The following NLGN1 variants were observed in gnomAD, a reference collection of about 807,000 sequenced individuals.
The protein encoded by NLGN1 is neuroligin-1.
A neutral mutation model predicts 65.5 loss-of-function variants in NLGN1; 12 were observed. That is an observed-to-expected ratio of 0.18 (90% CI 0.12 to 0.30). NLGN1 has a LOEUF of 0.30. Ranked by LOEUF, NLGN1 falls within the 10% of genes least tolerant of loss-of-function variation. The pLI is 1.00. For missense variants in NLGN1, 750 were observed against 1,007.1 expected, an observed-to-expected ratio of 0.74 and a Z score of 3.46; for synonymous variants, 350 against 359.5, an observed-to-expected ratio of 0.97 and a Z score of 0.30.
intron 4 of NLGN1, among the ~76,000 whole-genome samples, chr3:174,069,824 A>G (rs1443970650): frequency 6.6e-6 from 1 of 152,230 alleles, no homozygotes; most frequent in Admixed American, 6.5e-5. Context: ...GTATTAGCAT[A>G]GGCTCGGAGT....
intron 4 of NLGN1, among the ~76,000 whole-genome samples, chr3:174,025,975 GT>G (rs1164580494): frequency 2.0e-5 from 3 of 152,002 alleles, no homozygotes; most frequent in Middle Eastern, 3.2e-3. Flanking sequence ...TAAAATTAGA[GT>G]TTTTTTGTCA....
chr3:174,173,710 TTG>T (rs142590328), intron 4 of NLGN1, among the ~76,000 whole-genome samples: 3,855 of 148,796 alleles, frequency 0.026, 115 homozygotes, highest in African/African-American at 0.067. Flanking sequence ...GTGTGTATGT[TTG>T]TGTGTGTGTG....
chr3:174,290,349 A>G (rs1055187252), downstream of NLGN1, among the ~76,000 whole-genome samples: 1 of 151,018 alleles, frequency 6.6e-6, no homozygotes, highest in Non-Finnish European at 1.5e-5. Flanking sequence ...TGGCATATAA[A>G]TGGAAATACA....
At chr3:174,229,363 G>A (rs945156621) in intron 4 of NLGN1, among the ~76,000 whole-genome samples, 9 of 151,948 alleles carry the variant, frequency 5.9e-5, no homozygotes, top group Non-Finnish European at 1.2e-4. Context: ...ATGAGGACTG[G>A]TAGACATCAA....
At chr3:173,445,945 T>C (rs1720187129) in intron 2 of NLGN1, among the ~76,000 whole-genome samples, 1 of 152,232 alleles carries the variant, frequency 6.6e-6, no homozygotes, top group Admixed American at 6.5e-5. Context: ...ACATTTGATC[T>C]ATCCACCCTT....
At chr3:173,538,019 G>A (rs985771795) in intron 2 of NLGN1, among the ~76,000 whole-genome samples, 8 of 152,186 alleles carry the variant, frequency 5.3e-5, no homozygotes, top group African/African-American at 1.9e-4. Context: ...TCACCTAGGG[G>A]AAGCATTTCT....
intron 4 of NLGN1, among the ~76,000 whole-genome samples, chr3:174,148,902 A>G (rs1291933353): frequency 1.3e-5 from 2 of 152,206 alleles, no homozygotes; most frequent in African/African-American, 2.4e-5. Flanking sequence ...TTCCACAGGC[A>G]TACCAAATGA....
chr3:173,444,402 CG>C (rs1719783114), intron 2 of NLGN1, among the ~76,000 whole-genome samples: 1 of 152,010 alleles, frequency 6.6e-6, no homozygotes, highest in South Asian at 2.1e-4. Context: ...GAAATGAGCA[CG>C]GGTGTGATTT....
At chr3:174,086,207 G>A (rs1165509581) in intron 4 of NLGN1, among the ~76,000 whole-genome samples, 6 of 4,968 alleles carry the variant, frequency 1.2e-3, no homozygotes, top group South Asian at 9.6e-3. Flanking sequence ...GTGTGTGTGC[G>A]TGTGTGTGTA....
At chr3:173,577,777 G>A (rs1258082724) in intron 2 of NLGN1, among the ~76,000 whole-genome samples, 1 of 152,020 alleles carries the variant, frequency 6.6e-6, no homozygotes, top group African/African-American at 2.4e-5. Flanking sequence ...TATCATCTTT[G>A]AAAAACTTGT....
At chr3:173,953,872 T>G (rs1292178099) in intron 4 of NLGN1, among the ~76,000 whole-genome samples, 1 of 152,180 alleles carries the variant, frequency 6.6e-6, no homozygotes, top group Non-Finnish European at 1.5e-5. Flanking sequence ...TTTCCTGATG[T>G]AATTGCTAAT....
chr3:174,272,152 G>C (rs1381588343), intron 4 of NLGN1, among the ~76,000 whole-genome samples: 1 of 151,614 alleles, frequency 6.6e-6, no homozygotes, highest in Non-Finnish European at 1.5e-5. Context: ...GACATTAAAG[G>C]AAAAGCCTTC....
At chr3:174,110,382 G>C (rs753557152) in intron 4 of NLGN1, among the ~76,000 whole-genome samples, 1 of 151,874 alleles carries the variant, frequency 6.6e-6, no homozygotes, top group East Asian at 1.9e-4. Flanking sequence ...GGGGATGTTC[G>C]TTGTATTTTT....
At chr3:173,597,566 C>G (rs1214594345) in intron 2 of NLGN1, among the ~76,000 whole-genome samples, 1 of 151,932 alleles carries the variant, frequency 6.6e-6, no homozygotes, top group African/African-American at 2.4e-5. Context: ...ACCTTTGTAT[C>G]TAGTCTGTAC....
intron 4 of NLGN1, among the ~76,000 whole-genome samples, chr3:173,853,960 C>T (rs888490395): frequency 6.6e-6 from 1 of 151,680 alleles, no homozygotes; most frequent in Non-Finnish European, 1.5e-5. Context: ...TTGATATATT[C>T]CCCCAAATAT....
At chr3:173,657,542 GA>G (rs942546908) in intron 3 of NLGN1, among the ~76,000 whole-genome samples, 3 of 151,864 alleles carry the variant, frequency 2.0e-5, no homozygotes, top group Non-Finnish European at 4.4e-5. Flanking sequence ...GCAGTGGGGG[GA>G]AAGCTAACCC....
At chr3:174,251,511 C>G (rs1744760721) in intron 4 of NLGN1, among the ~76,000 whole-genome samples, 1 of 152,100 alleles carries the variant, frequency 6.6e-6, no homozygotes, top group South Asian at 2.1e-4. Flanking sequence ...GGCACCTGGG[C>G]AAAGCTGGAC....
At chr3:173,793,504 A>G (rs533313412) in intron 3 of NLGN1, among the ~76,000 whole-genome samples, 3 of 152,268 alleles carry the variant, frequency 2.0e-5, no homozygotes, top group African/African-American at 7.2e-5. Flanking sequence ...TCCAAGTAGA[A>G]ATTGTTGCAG....
chr3:173,846,362 T>A (rs1725794737), intron 4 of NLGN1, among the ~76,000 whole-genome samples: 2 of 152,144 alleles, frequency 1.3e-5, no homozygotes, highest in Non-Finnish European at 2.9e-5. Flanking sequence ...TGGTAAGCTA[T>A]CCCTAGTATT....
Sources: allele counts gnomAD v4.1 joint callset (sites outside exome capture counted in the v4.1 genomes callset), GRCh38; gene constraint gnomAD v4.1.1; transcripts MANE v1.5; gene names NCBI Gene and HGNC (gene_info 2026-07-23, HGNC 2026-07-21).